The following IQGAP3 variants were observed in gnomAD, a reference collection of about 807,000 sequenced individuals.
IQGAP3 encodes ras GTPase-activating-like protein IQGAP3.
Under a neutral mutation model 208.2 loss-of-function variants are expected in IQGAP3, and 165 were observed. The observed-to-expected ratio is 0.79, with a 90% CI of 0.70 to 0.90. IQGAP3 has a LOEUF of 0.90. Among genes scored for constraint, IQGAP3 ranks in the 40% least tolerant of loss-of-function variants. The probability of loss-of-function intolerance (pLI) is 0.00; values close to 1 mark genes in which losing one functional copy is unlikely to be tolerated. For synonymous variants in IQGAP3, 703 were observed against 803.6 expected (o/e 0.87, Z 2.12); for missense variants, 1,811 against 2,043.1 (o/e 0.89, Z 2.19).
chr1:156,538,916 C>G lies in IQGAP3; in HGVS notation c.3174G>C (p.Lys1058Asn), dbSNP rs771409196. The G allele has an allele frequency of 2.8e-5, 46 of 1,614,040 alleles. No individual in the cohort carries two copies. Among genetic ancestry groups the G allele is most frequent in the Admixed American group, 2.2e-4 (13 of 60,000 alleles). Reference protein sequence around the residue: ...GQSALQEILGKVIQDVLEDKV... With the variant: ...GQSALQEILGNVIQDVLEDKV... ...TGTCTTCTAGCACATCCTGGATAAC[C>G]TTGCCCAGAATCTCCTGCAGGGCAC... The change falls in exon 26 of 38, where the codon AAG becomes AAC. Residue 1058 changes from lysine (K) to asparagine (N), a missense_variant. Lys to Asn is a moderately conservative substitution (Grantham distance 94). Transcript: ENST00000361170.
At chr1:156,542,734 G>C (rs1461686389) in intron 22 of IQGAP3, among the ~76,000 whole-genome samples, 1 of 152,154 alleles carries the variant, frequency 6.6e-6, no homozygotes, top group African/African-American at 2.4e-5. Context: ...GAGCCCAGGA[G>C]TTTGAGACCA....
chr1:156,570,222 A>C (rs1571371654), intron 1 of IQGAP3, among the ~76,000 whole-genome samples: 1 of 152,158 alleles, frequency 6.6e-6, no homozygotes, highest in East Asian at 1.9e-4. Context: ...CAGGCACTGG[A>C]CTAGCAGACC....
rs1674593166 is a variant in IQGAP3, at chr1:156,534,565, A to G, written c.3676T>C (p.Ser1226Pro). 1 of 1,612,066 alleles carries G rather than the reference A, an allele frequency of 6.2e-7. No individual in the cohort carries two copies. The highest frequency in any genetic ancestry group is 8.5e-7 in the Non-Finnish European group (1 of 1,179,140). ...ACCCGTAGGTGCTGGCTCTGCCCAGAGAAGGCCTTGCCAGCCGCAGCGTGC... is the reference window on the plus strand; with the variant it reads ...ACCCGTAGGTGCTGGCTCTGCCCAGGGAAGGCCTTGCCAGCCGCAGCGTGC... ...LQHAAAGKAF[S>P]GQSQHLRVLN... The change falls in exon 29 of 38, where the codon TCT becomes CCT. Residue 1226 changes from serine (S) to proline (P), a missense_variant. Physicochemically the swap from Ser to Pro is moderately conservative, Grantham distance 74. Transcript: ENST00000361170.
chr1:156,550,286 G>A lies in IQGAP3; in HGVS notation c.1800C>T (p.Asn600=), dbSNP rs374166935. 2 of 1,613,412 alleles carry A rather than the reference G, an allele frequency of 1.2e-6. No homozygotes were observed. The highest frequency in any genetic ancestry group is 1.3e-5 in the African/African-American group (1 of 74,866). Residue 600 remains asparagine, a synonymous_variant, in exon 16 of 38, where the codon AAC becomes AAT. Transcript: ENST00000361170. Reference sequence around the variant, plus strand: ...TTCTCTGAGCTGTATTAGTGTCCTGGTTGGCTCTGACCACTCCCTGGCGGA... The same window carrying A: ...TTCTCTGAGCTGTATTAGTGTCCTGATTGGCTCTGACCACTCCCTGGCGGA... ...EEIRQGVVRA[N]QDTNTAQRMA...
chr1:156,536,333 C>T (rs572724318), intron 27 of IQGAP3, among the ~76,000 whole-genome samples: 5 of 91,230 alleles, frequency 5.5e-5, no homozygotes, highest in South Asian at 9.5e-4. Flanking sequence ...CATAGATGAA[C>T]GTAGAGGTTC....
Position 156,556,676 on chromosome 1 carries a change from G to A in IQGAP3, c.1147C>T (p.Arg383Trp), listed in dbSNP as rs556661252. ...QEQAMLHAVQ[R>W]INKAIRRRVA... is the part of the protein sequence containing the mutation. ...CTCCTCCGGATGGCTTTGTTGATCC[G>A]CTGCACAGCGTGGAGCACTGCAAGG... is the stretch of plus-strand genomic sequence containing the variant. Residue 383 changes from arginine to tryptophan, a missense_variant, in exon 12 of 38, where the codon CGG becomes TGG. By Grantham distance (101) the Arg-to-Trp change is moderately radical. Transcript: ENST00000361170. 25 of 1,593,982 alleles carry A rather than the reference G, an allele frequency of 1.6e-5. No homozygotes were observed. Among genetic ancestry groups the A allele is most frequent in the East Asian group, 2.3e-5 (1 of 44,300 alleles).
chr1:156,555,884 G>C (rs1266474959), intron 12 of IQGAP3, among the ~76,000 whole-genome samples: 4 of 152,184 alleles, frequency 2.6e-5, no homozygotes, highest in Non-Finnish European at 1.5e-5. Context: ...CCTATGTTGA[G>C]ACTGTGCCTT....
At chr1:156,537,659 G>C (rs1192555642) in intron 26 of IQGAP3, among the ~76,000 whole-genome samples, 1 of 152,104 alleles carries the variant, frequency 6.6e-6, no homozygotes, top group South Asian at 2.1e-4. Flanking sequence ...GAGAGGCTGG[G>C]CCAGAGCCTT....
In IQGAP3 at chr1:156,537,262, C is replaced by G; in HGVS notation, c.3341G>C (p.Arg1114Pro). ...GAGGTTGCGTAGGGCGATGTCCAGT[C>G]GTCTCTGGACCTCGGGGTGGCTCAA... is the stretch of plus-strand genomic sequence containing the variant. ...QALSHPEVQR[R>P]LDIALRNLLA... The change falls in exon 27 of 38, where the codon CGA (arginine) becomes CCA (proline). Residue 1114 changes from arginine to proline, a missense_variant. By Grantham distance (103) the Arg-to-Pro change is moderately radical. Transcript: ENST00000361170. The G allele has an allele frequency of 6.2e-7, 1 of 1,613,810 alleles. No homozygotes were observed. The highest frequency in any genetic ancestry group is 8.5e-7 in the Non-Finnish European group (1 of 1,179,766).
intron 4 of IQGAP3, among the ~76,000 whole-genome samples, chr1:156,565,075 C>A (rs548782967): frequency 1.3e-5 from 2 of 152,320 alleles, no homozygotes; most frequent in Non-Finnish European, 1.5e-5. Context: ...TCACCTTAGA[C>A]CCTTGCCAGA....
At chr1:156,561,356 A>G (rs1025782710) in intron 10 of IQGAP3, among the ~76,000 whole-genome samples, 1 of 152,046 alleles carries the variant, frequency 6.6e-6, no homozygotes, top group Non-Finnish European at 1.5e-5. Flanking sequence ...TAGTAGAGAC[A>G]GGGTTTCACT....
At chr1:156,552,270 C>A (rs924921351) in intron 13 of IQGAP3, among the ~76,000 whole-genome samples, 175 bp from the exon 14 acceptor site, 1 of 152,218 alleles carries the variant, frequency 6.6e-6, no homozygotes, top group Non-Finnish European at 1.5e-5. Context: ...TCCTCCCTGA[C>A]ATCTAAACAT....
chr1:156,534,367 T>C, intron 29 of IQGAP3, 134 bp downstream of exon 29: 1 of 915,396 alleles, frequency 1.1e-6, no homozygotes, highest in Non-Finnish European at 1.6e-6. Flanking sequence ...TCCAACAACC[T>C]ATCCTCCACC....
At position 156,528,594 on chromosome 1, in the gene IQGAP3, T is replaced by C; in HGVS notation, c.4588A>G (p.Lys1530Glu). ...GTGTAATGAAGAGAAGGCTGCTTCTTCCCCTTCCCAGAACTCCTGATTAAA... is the reference window on the plus strand; with the variant it reads ...GTGTAATGAAGAGAAGGCTGCTTCTCCCCCTTCCCAGAACTCCTGATTAAA... ...APDSKSSGKG[K>E]KQPSLHYTAA... The change falls in exon 36 of 38, where the codon AAG becomes GAG. Residue 1530 changes from lysine (K) to glutamate (E), a missense_variant. By Grantham distance (56) the Lys-to-Glu change is moderately conservative. Coordinates refer to ENST00000361170, the MANE Select transcript of IQGAP3 (RefSeq NM_178229.5). 2 of 1,613,442 alleles carry C rather than the reference T, an allele frequency of 1.2e-6. No homozygotes were observed. The highest frequency in any genetic ancestry group is 8.5e-7 in the Non-Finnish European group (1 of 1,179,518).
intron 23 of IQGAP3, 44 bp from the exon 24 acceptor site, chr1:156,540,034 C>G: frequency 6.2e-7 from 1 of 1,610,828 alleles, no homozygotes; most frequent in Non-Finnish European, 8.5e-7. Flanking sequence ...CCTAGGCCAT[C>G]CCAGGGCACA....
chr1:156,555,805 A>G (rs955752823), intron 12 of IQGAP3, among the ~76,000 whole-genome samples: 1 of 152,248 alleles, frequency 6.6e-6, no homozygotes, highest in Non-Finnish European at 1.5e-5. Flanking sequence ...CTGGCTCAAA[A>G]GTCCACAACT....
rs1674022168 is a variant in IQGAP3, at chr1:156,525,819, T to A, written c.*667A>T. On this transcript the variant is annotated 3_prime_UTR_variant, in exon 38 of 38. Coordinates refer to ENST00000361170, the MANE Select transcript of IQGAP3 (RefSeq NM_178229.5). ...CAGAGTGTAAGGATGGGAGAAAGAATAAATACCCTAGTGACCCACATATTA... is the reference window on the plus strand; with the variant it reads ...CAGAGTGTAAGGATGGGAGAAAGAAAAAATACCCTAGTGACCCACATATTA... 1.4e-5 allele frequency: 2 copies of A among 138,464 alleles called. No homozygotes were observed. The highest frequency in any genetic ancestry group is 3.1e-5 in the Non-Finnish European group (2 of 64,658). 8.6% of individuals were successfully genotyped at this position (138,464 alleles called of 1,614,324 possible).
At chr1:156,566,343 C>A (rs2102444756) in intron 3 of IQGAP3, 47 bp downstream of exon 3, 2 of 1,588,306 alleles carry the variant, frequency 1.3e-6, no homozygotes, top group South Asian at 2.2e-5. Context: ...GAGGAGAAAG[C>A]ATAGTTTGAG....
chr1:156,548,397 G>A lies in IQGAP3; in HGVS notation c.2084C>T (p.Pro695Leu). The change falls in exon 18 of 38, where the codon CCT becomes CTT. Residue 695 changes from proline to leucine, a missense_variant. Transcript: ENST00000361170. ...AGAGGTGTTGAGGGGGCAGCCAGGA[G>A]GTTGCTCCCAGATCCCCTGGAAGGT... The part of the protein sequence containing the change: ...LQTFQGIWEQ[P>L]PGCPLNTSHL... 1 of 1,613,992 alleles carries A rather than the reference G, an allele frequency of 6.2e-7. No homozygotes were observed. The highest frequency in any genetic ancestry group is 1.7e-5 in the Admixed American group (1 of 59,998).
Sources: gnomAD v4.1 joint callset for allele counts (sites outside exome capture counted in the v4.1 genomes callset) on GRCh38, gnomAD v4.1.1 for gene constraint, MANE v1.5 for transcripts, NCBI Gene and HGNC (gene_info 2026-07-23, HGNC 2026-07-21) for gene names.